PDE4D: variants seen among roughly 807,000 people sequenced by gnomAD.
PDE4D encodes phosphodiesterase 4D.
PDE4D carries 24 observed loss-of-function variants against 87.4 expected under a neutral mutation model. That is an observed-to-expected ratio of 0.27 (90% confidence interval 0.20 to 0.39). The LOEUF is 0.39. PDE4D is among the 10% of genes least tolerant of loss of function. The pLI, the probability that PDE4D is intolerant of heterozygous loss-of-function variation, is 1.00. For missense variants in PDE4D, 714 were observed against 1,041.0 expected, an observed-to-expected ratio of 0.69 and a Z score of 4.32; for synonymous variants, 384 against 383.2, an observed-to-expected ratio of 1.00 and a Z score of -0.02.
intron 1 of PDE4D, among the ~76,000 whole-genome samples, chr5:59,479,654 G>C (rs1268597362): frequency 6.6e-6 from 1 of 152,094 alleles, no homozygotes; most frequent in African/African-American, 2.4e-5. Flanking sequence ...CATGTAGTAA[G>C]AGTAAGCAGG....
intron 1 of PDE4D, among the ~76,000 whole-genome samples, chr5:59,554,691 A>G (rs1818621277): frequency 6.6e-6 from 1 of 152,138 alleles, no homozygotes; most frequent in Admixed American, 6.6e-5. Flanking sequence ...CTGAAACTGA[A>G]TGGAAAGTTA....
At chr5:59,211,861 C>T (rs1160859850) in intron 2 of PDE4D, among the ~76,000 whole-genome samples, 3 of 152,054 alleles carry the variant, frequency 2.0e-5, no homozygotes, top group African/African-American at 7.2e-5. Flanking sequence ...AAGGGATTAT[C>T]TTCCTTCTTC....
chr5:60,261,393 A>G (rs1190350087), intron 1 of PDE4D, among the ~76,000 whole-genome samples: 3 of 152,084 alleles, frequency 2.0e-5, no homozygotes, highest in African/African-American at 7.2e-5. Flanking sequence ...TTCCCCCTAC[A>G]TCTCTTTTTG....
chr5:59,941,813 A>G (rs1757213792), intron 3 of PDE4D, among the ~76,000 whole-genome samples: 1 of 152,202 alleles, frequency 6.6e-6, no homozygotes, highest in Non-Finnish European at 1.5e-5. Flanking sequence ...AGGCCAGGCA[A>G]GGATGATGAG....
At chr5:60,146,904 A>G (rs1781046585) in intron 2 of PDE4D, among the ~76,000 whole-genome samples, 1 of 152,220 alleles carries the variant, frequency 6.6e-6, no homozygotes, top group Non-Finnish European at 1.5e-5. Flanking sequence ...GAAAATGCAA[A>G]TCAAAACCAC....
At chr5:60,495,960 A>C (rs898188489) in intron 1 of PDE4D, among the ~76,000 whole-genome samples, 1 of 152,182 alleles carries the variant, frequency 6.6e-6, no homozygotes, top group African/African-American at 2.4e-5. Context: ...TTGTTGTGCA[A>C]AGCAGGCCCC....
At chr5:59,087,830 TCTAA>T (rs1028182844) in intron 5 of PDE4D, among the ~76,000 whole-genome samples, 9 of 152,146 alleles carry the variant, frequency 5.9e-5, no homozygotes, top group African/African-American at 9.7e-5. Flanking sequence ...ATCTTTCCTT[TCTAA>T]CTAACTAACT....
At chr5:60,460,945 TG>T (rs1348924739) in intron 1 of PDE4D, among the ~76,000 whole-genome samples, 1 of 152,132 alleles carries the variant, frequency 6.6e-6, no homozygotes, top group African/African-American at 2.4e-5. Context: ...TTTATAAAAA[TG>T]GAAAAGCCAT....
chr5:59,053,362 TACAC>T (rs57805618), intron 5 of PDE4D, among the ~76,000 whole-genome samples: 24,254 of 141,834 alleles, frequency 0.17, 2,416 homozygotes, highest in Middle Eastern at 0.28. Context: ...TGGGTGTACA[TACAC>T]ACACACACAC....
chr5:59,950,914 C>T (rs1432866860), intron 3 of PDE4D, among the ~76,000 whole-genome samples: 2 of 151,920 alleles, frequency 1.3e-5, no homozygotes, highest in Non-Finnish European at 2.9e-5. Flanking sequence ...TCTTGTCTAG[C>T]TCAAAACATT....
chr5:59,778,898 C>A (rs1337841687), intron 1 of PDE4D, among the ~76,000 whole-genome samples: 1 of 152,208 alleles, frequency 6.6e-6, no homozygotes, highest in East Asian at 1.9e-4. Flanking sequence ...AGTGCAGTGG[C>A]TCACACTTGT....
chr5:59,263,552 C>T (rs1762376969), intron 1 of PDE4D, among the ~76,000 whole-genome samples: 2 of 151,910 alleles, frequency 1.3e-5, no homozygotes, highest in South Asian at 2.1e-4. Context: ...GTCATATATA[C>T]CAAATTATTA....
chr5:58,974,736 C>T lies in PDE4D; in HGVS notation c.2358G>A (p.Glu786=). The change falls in exon 15 of 15, where the codon GAG becomes GAA. Residue 786 remains glutamate, a synonymous_variant. Coordinates refer to ENST00000340635, the MANE Select transcript of PDE4D (RefSeq NM_001104631.2). ...TTTCCTCTTCTTCCCCTACTGCCTCCTCTTCAACCTGTTCATCAAGGGGAA... is the reference window on the plus strand; with the variant it reads ...TTTCCTCTTCTTCCCCTACTGCCTCTTCTTCAACCTGTTCATCAAGGGGAA... ...TEIPLDEQVE[E]EAVGEEEESQ... The T allele has an allele frequency of 6.2e-7, 1 of 1,613,340 alleles. No homozygotes were observed. The highest frequency in any genetic ancestry group is 8.5e-7 in the Non-Finnish European group (1 of 1,179,472).
chr5:59,131,843 A>T (rs967481523), intron 5 of PDE4D, among the ~76,000 whole-genome samples: 7 of 152,146 alleles, frequency 4.6e-5, no homozygotes, highest in Admixed American at 1.3e-4. Flanking sequence ...TGGGCCTCAC[A>T]GTTTTTTGTT....
At chr5:60,520,334 A>G (rs1197449950) in intron 1 of PDE4D, among the ~76,000 whole-genome samples, 1 of 152,110 alleles carries the variant, frequency 6.6e-6, no homozygotes, top group African/African-American at 2.4e-5. Context: ...ATGGACTACT[A>G]ACCCCACACC....
intron 2 of PDE4D, chr5:60,030,758 A>G (rs996538668): frequency 1.3e-5 from 2 of 152,244 alleles, no homozygotes; most frequent in African/African-American, 4.8e-5. Context: ...TTAAATGTTC[A>G]AAAATAAATA....
chr5:59,542,115 C>A (rs1327464196), intron 1 of PDE4D, among the ~76,000 whole-genome samples: 1 of 152,114 alleles, frequency 6.6e-6, no homozygotes, highest in Admixed American at 6.6e-5. Context: ...ACTCACAAGA[C>A]CAGCCTCTAA....
At chr5:59,952,784 T>C (rs1561903204) in intron 3 of PDE4D, among the ~76,000 whole-genome samples, 1 of 152,226 alleles carries the variant, frequency 6.6e-6, no homozygotes, top group Non-Finnish European at 1.5e-5. Flanking sequence ...CTGAAGTCTC[T>C]AGCCCACAGC....
intron 5 of PDE4D, among the ~76,000 whole-genome samples, chr5:59,110,015 C>T (rs1772334548): frequency 6.6e-6 from 1 of 152,176 alleles, no homozygotes; most frequent in Non-Finnish European, 1.5e-5. Flanking sequence ...CTCCCTACTG[C>T]TCACATGCAT....
Sources: gnomAD v4.1 joint callset for allele counts (sites outside exome capture counted in the v4.1 genomes callset) on GRCh38, gnomAD v4.1.1 for gene constraint, MANE v1.5 for transcripts, NCBI Gene and HGNC (gene_info 2026-07-23, HGNC 2026-07-21) for gene names.